Variants in ROR1 observed in about 807,000 individuals in gnomAD.
The protein encoded by ROR1 is inactive tyrosine-protein kinase transmembrane receptor ROR1.
Under a neutral mutation model 78.8 loss-of-function variants are expected in ROR1, and 19 were observed. The ratio of observed to expected loss-of-function variants is 0.24; its 90% CI spans 0.17 to 0.35. The LOEUF (loss-of-function observed/expected upper bound fraction) is 0.35. Among genes scored for constraint, ROR1 ranks in the 10% least tolerant of loss-of-function variants. The pLI, the probability that ROR1 is intolerant of heterozygous loss-of-function variation, is 1.00. For synonymous variants in ROR1, 386 were observed against 433.6 expected (o/e 0.89, Z 1.36); for missense variants, 917 against 1,177.8 (o/e 0.78, Z 3.24).
intron 7 of ROR1, among the ~76,000 whole-genome samples, chr1:64,145,327 C>A (rs1332053287): frequency 1.3e-5 from 2 of 152,032 alleles, no homozygotes; most frequent in African/African-American, 4.8e-5. Flanking sequence ...CTAAAGAAAT[C>A]CATAAGAAAA....
chr1:63,911,895 G>T (rs1303425956), intron 1 of ROR1, among the ~76,000 whole-genome samples: 1 of 152,146 alleles, frequency 6.6e-6, no homozygotes, highest in Admixed American at 6.5e-5. Flanking sequence ...CCGTGAAAAT[G>T]ACAGTGGATT....
intron 4 of ROR1, among the ~76,000 whole-genome samples, chr1:64,052,929 C>A (rs1000888822): frequency 6.6e-6 from 1 of 151,930 alleles, no homozygotes; most frequent in African/African-American, 2.4e-5. Context: ...TCTAGGAGTT[C>A]TTCACTTCCT....
At chr1:63,955,027 A>T (rs1645969760) in intron 1 of ROR1, among the ~76,000 whole-genome samples, 1 of 152,182 alleles carries the variant, frequency 6.6e-6, no homozygotes, top group Non-Finnish European at 1.5e-5. Flanking sequence ...TGCAAAATGC[A>T]AGAGAATTCC....
At chr1:64,013,644 C>G (rs1231894458) in intron 2 of ROR1, among the ~76,000 whole-genome samples, 1 of 152,150 alleles carries the variant, frequency 6.6e-6, no homozygotes, top group African/African-American at 2.4e-5. Flanking sequence ...GTATTCCTTC[C>G]TTGTTGGAAC....
chr1:64,118,444 C>G (rs938968185), intron 4 of ROR1, among the ~76,000 whole-genome samples: 1 of 151,488 alleles, frequency 6.6e-6, no homozygotes, highest in South Asian at 2.1e-4. Flanking sequence ...CTGGCCAACA[C>G]GGTGAAACCC....
chr1:64,129,861 G>A (rs529820421), intron 4 of ROR1, among the ~76,000 whole-genome samples: 3 of 152,278 alleles, frequency 2.0e-5, no homozygotes, highest in African/African-American at 7.2e-5. Flanking sequence ...CAAGTGAAAT[G>A]CAAACCCTTG....
intron 1 of ROR1, among the ~76,000 whole-genome samples, chr1:63,852,720 T>G (rs956884916): frequency 2.0e-5 from 3 of 152,098 alleles, no homozygotes; most frequent in Admixed American, 2.0e-4. Context: ...ACTGGGAGAG[T>G]GTAGTTGTTG....
At chr1:63,923,514 C>T (rs1645674599) in intron 1 of ROR1, among the ~76,000 whole-genome samples, 1 of 151,766 alleles carries the variant, frequency 6.6e-6, no homozygotes, top group Admixed American at 6.6e-5. Flanking sequence ...TTTCTCTTTC[C>T]CTCTCCTCTC....
chr1:63,853,855 A>G (rs994971106), intron 1 of ROR1, among the ~76,000 whole-genome samples: 1 of 152,214 alleles, frequency 6.6e-6, no homozygotes, highest in Non-Finnish European at 1.5e-5. Flanking sequence ...CTGTATTAGC[A>G]TAATTCTCTA....
At chr1:64,034,642 G>C (rs1386058636) in intron 2 of ROR1, among the ~76,000 whole-genome samples, 1 of 152,020 alleles carries the variant, frequency 6.6e-6, no homozygotes, top group African/African-American at 2.4e-5. Context: ...TGACCATTAT[G>C]GTGGCTAATA....
At chr1:64,103,433 C>G (rs570672955) in intron 4 of ROR1, among the ~76,000 whole-genome samples, 18 of 151,636 alleles carry the variant, frequency 1.2e-4, no homozygotes, top group Non-Finnish European at 2.1e-4. Context: ...CATTAAGCTG[C>G]TTATTTAAAG....
At chr1:63,931,142 C>T (rs1423479434) in intron 1 of ROR1, among the ~76,000 whole-genome samples, 1 of 152,066 alleles carries the variant, frequency 6.6e-6, no homozygotes, top group Non-Finnish European at 1.5e-5. Context: ...ATTAGCTGGG[C>T]ATGGTGGTGG....
chr1:63,802,205 C>G (rs1183733749), intron 1 of ROR1, among the ~76,000 whole-genome samples: 1 of 152,074 alleles, frequency 6.6e-6, no homozygotes, highest in African/African-American at 2.4e-5. Context: ...AACTGTATAA[C>G]AAGCTTTGGG....
At chr1:64,109,487 T>C (rs1002768020) in intron 4 of ROR1, among the ~76,000 whole-genome samples, 1 of 152,142 alleles carries the variant, frequency 6.6e-6, no homozygotes, top group African/African-American at 2.4e-5. Context: ...CCTGCACTTA[T>C]GATGTGGTGC....
intron 1 of ROR1, among the ~76,000 whole-genome samples, chr1:63,881,488 T>A (rs899714316): frequency 1.3e-5 from 2 of 152,078 alleles, no homozygotes; most frequent in African/African-American, 4.8e-5. Flanking sequence ...CAGGCCAGGC[T>A]TTTCAGGAAG....
At chr1:63,877,499 T>C (rs564316432) in intron 1 of ROR1, among the ~76,000 whole-genome samples, 20 of 152,262 alleles carry the variant, frequency 1.3e-4, no homozygotes, top group African/African-American at 4.3e-4. Flanking sequence ...TAGCCTATAC[T>C]TTTTACTCTT....
At chr1:63,791,426 TA>T (rs1278051077) in intron 1 of ROR1, among the ~76,000 whole-genome samples, 2 of 152,114 alleles carry the variant, frequency 1.3e-5, no homozygotes, top group East Asian at 3.8e-4. Context: ...ATGATATTAG[TA>T]ATAATGTAGG....
intron 4 of ROR1, among the ~76,000 whole-genome samples, chr1:64,051,470 AATAAAATAAAAT>A (rs1557627992): frequency 5.3e-4 from 76 of 142,336 alleles, no homozygotes; most frequent in African/African-American, 2.0e-3. Flanking sequence ...AATAAAATAA[AATAAAATAAAAT>A]AAAATAAAAT....
At chr1:64,169,993 T>G (rs887902620) in intron 8 of ROR1, among the ~76,000 whole-genome samples, 1 of 152,192 alleles carries the variant, frequency 6.6e-6, no homozygotes, top group African/African-American at 2.4e-5. Context: ...AGAGTACCCC[T>G]CCTGGCTGCT....
Sources: allele counts gnomAD v4.1 joint callset (sites outside exome capture counted in the v4.1 genomes callset), GRCh38; gene constraint gnomAD v4.1.1; transcripts MANE v1.5; gene names NCBI Gene and HGNC (gene_info 2026-07-23, HGNC 2026-07-21).